Variants in STAT4 observed in about 807,000 individuals in gnomAD.
STAT4 encodes signal transducer and activator of transcription 4.
In STAT4, 42 loss-of-function variants were observed where a neutral mutation model predicts 110.5. The ratio of observed to expected loss-of-function variants is 0.38; its 90% CI spans 0.30 to 0.49. The LOEUF (loss-of-function observed/expected upper bound fraction) is 0.49. STAT4 is among the 20% of genes least tolerant of loss of function. The pLI is 0.95. For missense variants in STAT4, 632 were observed against 887.9 expected, an observed-to-expected ratio of 0.71 and a Z score of 3.66; for synonymous variants, 284 against 302.2, an observed-to-expected ratio of 0.94 and a Z score of 0.63.
intron 3 of STAT4, among the ~76,000 whole-genome samples, chr2:191,092,814 G>A (rs1299991184): frequency 6.6e-6 from 1 of 152,140 alleles, no homozygotes; most frequent in East Asian, 1.9e-4. Flanking sequence ...GTGACAGACT[G>A]TACCTGGAAA....
At position 191,140,928 on chromosome 2, in the gene STAT4, T is replaced by G. The variant is rs567573124; in HGVS notation, c.273+5685A>C. 6.6e-6 allele frequency among the ~76,000 whole-genome samples: 1 copy of G among 152,314 alleles called. No homozygotes were observed. Among genetic ancestry groups the G allele is most frequent in the Non-Finnish European group, 1.5e-5 (1 of 68,018 alleles). ...AGCCATAAAAAGGAATGAAATAATG[T>G]CTTTTGCAGCAACCTGGATAAAACT... On this transcript the variant is annotated intron_variant, in intron 3 of 23. Coordinates refer to ENST00000392320, the MANE Select transcript of STAT4 (RefSeq NM_003151.4). This position sits in a 1 kb window ranked among gnomAD's most constrained non-coding sequence, Gnocchi z 4.4.
At position 191,053,909 on chromosome 2, in the gene STAT4, C is replaced by G. The variant is rs1025463088; in HGVS notation, c.1251+581G>C. Among the ~76,000 whole-genome samples, 3 of 152,154 alleles carry G rather than the reference C, an allele frequency of 2.0e-5. No individual in the cohort carries two copies. Among genetic ancestry groups the G allele is most frequent in the African/African-American group, 7.2e-5 (3 of 41,426 alleles). ...TTTGGGAGACAAGGTGGGTGGATCA[C>G]TTGAGCCAAGGGGTTCAAGACCAGC... On this transcript the variant is annotated intron_variant, in intron 14 of 23. Transcript: ENST00000392320. The surrounding 1 kb of genome is among the most constrained non-coding windows in gnomAD (Gnocchi z 4.5).
At chr2:191,102,600 C>T (rs1419096995) in intron 3 of STAT4, among the ~76,000 whole-genome samples, 1 of 152,108 alleles carries the variant, frequency 6.6e-6, no homozygotes, top group South Asian at 2.1e-4. Context: ...CCAATTTCAC[C>T]GTTTTTCACT....
intron 3 of STAT4, among the ~76,000 whole-genome samples, chr2:191,127,374 T>C (rs1387635199): frequency 6.6e-6 from 1 of 152,236 alleles, no homozygotes; most frequent in Non-Finnish European, 1.5e-5. Context: ...CTGTACCAGA[T>C]ACTCTTTTTC....
Position 191,059,328 on chromosome 2 carries a change from A to G in STAT4, c.1035-559T>C, listed in dbSNP as rs1696786525. ...AAAACAAACTTCAAATGAACAAGTA[A>G]TTGAAGTTCAGTATAAAAATTCCTT... On this transcript the variant is annotated intron_variant, in intron 10 of 23. Coordinates refer to ENST00000392320, the MANE Select transcript of STAT4 (RefSeq NM_003151.4). This position sits in a 1 kb window ranked among gnomAD's most constrained non-coding sequence, Gnocchi z 4.7. 6.6e-6 allele frequency among the ~76,000 whole-genome samples: 1 copy of G among 152,230 alleles called. No individual in the cohort carries two copies.
chr2:191,129,629 T>G (rs1698977548), intron 3 of STAT4, among the ~76,000 whole-genome samples: 1 of 152,138 alleles, frequency 6.6e-6, no homozygotes, highest in South Asian at 2.1e-4. Flanking sequence ...TTCTAACACA[T>G]CTCCTTACTT....
Position 191,112,230 on chromosome 2 carries a change from A to G in STAT4, c.273+34383T>C, listed in dbSNP as rs1698443959. On this transcript the variant is annotated intron_variant, in intron 3 of 23. Coordinates refer to ENST00000392320, the MANE Select transcript of STAT4 (RefSeq NM_003151.4). The surrounding 1 kb of genome is among the most constrained non-coding windows in gnomAD (Gnocchi z 4.3). ...AAATTTGGAGAAATTACCTACATGTATGTAACATTTGGGGTGTAGACTCTG... is the reference window on the plus strand; with the variant it reads ...AAATTTGGAGAAATTACCTACATGTGTGTAACATTTGGGGTGTAGACTCTG... Among the ~76,000 whole-genome samples the G allele has an allele frequency of 6.6e-6, 1 of 152,258 alleles. No individual in the cohort carries two copies. The highest frequency in any genetic ancestry group is 2.4e-5 in the African/African-American group (1 of 41,472).
At chr2:191,136,024 C>CAAAAAAAAAAAAAAAAAAAAAAAAA (rs1699173501) in intron 3 of STAT4, among the ~76,000 whole-genome samples, 1 of 43,720 alleles carries the variant, frequency 2.3e-5, no homozygotes, top group African/African-American at 6.4e-5. Context: ...AAAAAAAAAC[C>CAAAAAAAAAAAAAAAAAAAAAAAAA]AAAAAACAAA....
At chr2:191,124,648 A>G (rs1315846922) in intron 3 of STAT4, among the ~76,000 whole-genome samples, 1 of 152,108 alleles carries the variant, frequency 6.6e-6, no homozygotes, top group Non-Finnish European at 1.5e-5. Context: ...AGAGTTTATC[A>G]AACTCATCTT....
chr2:191,066,805 C>T lies in STAT4; in HGVS notation c.545-290G>A, dbSNP rs547660148. On this transcript the variant is annotated intron_variant, in intron 6 of 23. Coordinates refer to ENST00000392320, the MANE Select transcript of STAT4 (RefSeq NM_003151.4). The surrounding 1 kb of genome is among the most constrained non-coding windows in gnomAD (Gnocchi z 4.3). ...GTGGTGGACAGAGGAGATAAAGTTGCTGTAATGGATGCCTTACTATATACC... is the reference window on the plus strand; with the variant it reads ...GTGGTGGACAGAGGAGATAAAGTTGTTGTAATGGATGCCTTACTATATACC... 3.9e-5 allele frequency among the ~76,000 whole-genome samples: 6 copies of T among 152,096 alleles called. No individual in the cohort carries two copies. The highest frequency in any genetic ancestry group is 7.4e-5 in the Non-Finnish European group (5 of 68,010).
intron 3 of STAT4, among the ~76,000 whole-genome samples, chr2:191,080,142 T>A (rs1286594628): frequency 6.6e-6 from 1 of 152,126 alleles, no homozygotes; most frequent in Admixed American, 6.6e-5. Context: ...CTGACCTTTA[T>A]CTCTAGTAAT....
chr2:191,094,423 G>A (rs1165007134), intron 3 of STAT4, among the ~76,000 whole-genome samples: 6 of 152,188 alleles, frequency 3.9e-5, no homozygotes, highest in Admixed American at 6.5e-5. Flanking sequence ...GAAGAGAGTG[G>A]GGGCCAATAC....
chr2:191,078,147 A>G (rs896807565), intron 3 of STAT4, among the ~76,000 whole-genome samples: 2 of 152,050 alleles, frequency 1.3e-5, no homozygotes, highest in Non-Finnish European at 2.9e-5. Context: ...TCTGCTATTC[A>G]TGTAAACTTG....
chr2:191,138,680 AAAG>A lies in STAT4; in HGVS notation c.273+7930_273+7932del, dbSNP rs926095139. ...CACAGCTGAATTCTATCAGACATTC[AAAG>A]AAGAATTGGTACCAGTCCCACTGAA... On this transcript the variant is annotated intron_variant, in intron 3 of 23. Transcript: ENST00000392320. This position sits in a 1 kb window ranked among gnomAD's most constrained non-coding sequence, Gnocchi z 4.3. 8.2e-4 allele frequency among the ~76,000 whole-genome samples: 125 copies of A among 152,330 alleles called. No individual in the cohort carries two copies. The highest frequency in any genetic ancestry group is 2.8e-3 in the African/African-American group (115 of 41,578).
chr2:191,089,888 A>C (rs1697743435), intron 3 of STAT4, among the ~76,000 whole-genome samples: 1 of 152,200 alleles, frequency 6.6e-6, no homozygotes, highest in Admixed American at 6.5e-5. Flanking sequence ...AGTGGTTGCC[A>C]GGAGTTAGAA....
chr2:191,054,076 C>G (rs1574712012), intron 14 of STAT4, among the ~76,000 whole-genome samples: 1 of 137,148 alleles, frequency 7.3e-6, no homozygotes, highest in Non-Finnish European at 1.5e-5. Context: ...TGCAGTGAAC[C>G]AAGATCTCAC....
intron 3 of STAT4, among the ~76,000 whole-genome samples, chr2:191,128,019 C>T (rs1698927809): frequency 6.6e-6 from 1 of 152,204 alleles, no homozygotes; most frequent in Non-Finnish European, 1.5e-5. Context: ...TGCACACCAT[C>T]CACCTTCTGT....
rs548339614 is a variant in STAT4, at chr2:191,143,738, G to A, written c.273+2875C>T. Among the ~76,000 whole-genome samples, 10 of 151,996 alleles carry A rather than the reference G, an allele frequency of 6.6e-5. No individual in the cohort carries two copies. Among genetic ancestry groups the A allele is most frequent in the Non-Finnish European group, 1.3e-4 (9 of 68,022 alleles). On this transcript the variant is annotated intron_variant, in intron 3 of 23. Coordinates refer to ENST00000392320, the MANE Select transcript of STAT4 (RefSeq NM_003151.4). The surrounding 1 kb of genome is among the most constrained non-coding windows in gnomAD (Gnocchi z 5.6). ...CATGGTTTGTATTTAAAATCCCAGA[G>A]GATGAAAATATTTAAACCAGATAAG...
In STAT4 at chr2:191,146,575, A is replaced by G. The variant is rs1343690898; in HGVS notation, c.273+38T>C. 2.1e-6 allele frequency: 3 copies of G among 1,420,398 alleles called. No individual in the cohort carries two copies. The highest frequency in any genetic ancestry group is 2.8e-6 in the Non-Finnish European group (3 of 1,077,126). The allele number at this position is 1,420,398 out of a possible 1,614,324, so 88.0% of individuals were successfully genotyped here. A position where few individuals can be genotyped will look rare whatever the true frequency, so the allele number is the denominator to read the frequency against. On this transcript the variant is annotated intron_variant, in intron 3 of 23. Coordinates refer to ENST00000392320, the MANE Select transcript of STAT4 (RefSeq NM_003151.4). This position sits in a 1 kb window ranked among gnomAD's most constrained non-coding sequence, Gnocchi z 4.5. ...ATTTTTAACTAAATTTAAGACTCAT[A>G]TATCCAAATATTTTGGAAAAGTAGA...
Sources: gnomAD v4.1 joint callset for allele counts (sites outside exome capture counted in the v4.1 genomes callset) on GRCh38, gnomAD v4.1.1 for gene constraint, Gnocchi (gnomAD v3.1) non-coding constraint, MANE v1.5 for transcripts, NCBI Gene and HGNC (gene_info 2026-07-23, HGNC 2026-07-21) for gene names.